Variants in PTPRN2 observed in about 807,000 individuals in gnomAD.
The protein encoded by PTPRN2 is protein tyrosine phosphatase receptor type N2, also known as receptor-type tyrosine-protein phosphatase N2.
PTPRN2 carries 74 observed loss-of-function variants against 118.8 expected under a neutral mutation model. The ratio of observed to expected loss-of-function variants is 0.62; its 90% CI spans 0.52 to 0.76. PTPRN2 has a LOEUF of 0.76. Ranked by LOEUF, PTPRN2 falls within the 30% of genes least tolerant of loss-of-function variation. The pLI is 0.00. For missense variants in PTPRN2, 1,481 were observed against 1,394.4 expected, an observed-to-expected ratio of 1.06 and a Z score of -0.99; for synonymous variants, 641 against 608.0, an observed-to-expected ratio of 1.05 and a Z score of -0.80.
chr7:158,011,924 A>C (rs1414216351), intron 11 of PTPRN2, among the ~76,000 whole-genome samples: 4 of 152,230 alleles, frequency 2.6e-5, no homozygotes, highest in Non-Finnish European at 5.9e-5. Flanking sequence ...TTTCTTGGTC[A>C]AATCATGGTT....
intron 11 of PTPRN2, among the ~76,000 whole-genome samples, chr7:158,013,591 CCATT>C (rs1806199521): frequency 1.3e-5 from 2 of 152,136 alleles, no homozygotes; most frequent in Admixed American, 6.5e-5. Flanking sequence ...GTTCATCTAT[CCATT>C]CATTCACCCA....
intron 14 of PTPRN2, among the ~76,000 whole-genome samples, chr7:157,628,067 T>C (rs1338515854): frequency 6.6e-6 from 1 of 152,194 alleles, no homozygotes; most frequent in Non-Finnish European, 1.5e-5. Flanking sequence ...GGTTGGAGCA[T>C]TAAGGACAGT....
chr7:157,714,276 T>C (rs892426009), intron 12 of PTPRN2, among the ~76,000 whole-genome samples: 7 of 152,260 alleles, frequency 4.6e-5, no homozygotes, highest in Admixed American at 2.6e-4. Context: ...TTCGTTTTAC[T>C]GTCAGTATAG....
intron 2 of PTPRN2, among the ~76,000 whole-genome samples, chr7:158,327,325 GCA>G (rs754715591): frequency 7.0e-5 from 10 of 142,380 alleles, no homozygotes; most frequent in Non-Finnish European, 1.1e-4. Flanking sequence ...ATTCTCACAT[GCA>G]CACACGTGCT....
At chr7:157,937,831 C>A (rs1490722353) in intron 11 of PTPRN2, among the ~76,000 whole-genome samples, 2 of 152,224 alleles carry the variant, frequency 1.3e-5, no homozygotes, top group Non-Finnish European at 2.9e-5. Flanking sequence ...CGTCACCCAT[C>A]CCCTTGTGCC....
intron 13 of PTPRN2, among the ~76,000 whole-genome samples, chr7:157,657,300 TACACAC>T (rs199709726): frequency 9.2e-5 from 3 of 32,450 alleles, no homozygotes; most frequent in African/African-American, 3.8e-4. Context: ...ATCACACATA[TACACAC>T]ACACACCACA....
intron 11 of PTPRN2, among the ~76,000 whole-genome samples, chr7:158,072,905 T>C (rs1221318486): frequency 6.6e-6 from 1 of 152,200 alleles, no homozygotes; most frequent in Non-Finnish European, 1.5e-5. Context: ...GGACAATTCA[T>C]GTCTCAAGAC....
chr7:158,247,183 C>G (rs1032935338), intron 3 of PTPRN2, among the ~76,000 whole-genome samples: 3 of 152,180 alleles, frequency 2.0e-5, no homozygotes, highest in Admixed American at 6.5e-5. Flanking sequence ...GAGCGTGGCC[C>G]GTGGGTGGCA....
intron 3 of PTPRN2, among the ~76,000 whole-genome samples, chr7:158,307,246 C>G (rs940853412): frequency 2.0e-5 from 3 of 152,024 alleles, no homozygotes; most frequent in African/African-American, 7.2e-5. Flanking sequence ...AAAATAGTGT[C>G]TCATCAAATA....
At chr7:157,644,717 C>T (rs1177727430) in intron 14 of PTPRN2, among the ~76,000 whole-genome samples, 1 of 152,090 alleles carries the variant, frequency 6.6e-6, no homozygotes, top group Admixed American at 6.5e-5. Flanking sequence ...ATCACTTGAA[C>T]CCGAGAGGCA....
chr7:158,581,484 T>C (rs946120171), intron 1 of PTPRN2, among the ~76,000 whole-genome samples: 14 of 152,312 alleles, frequency 9.2e-5, no homozygotes, highest in South Asian at 2.1e-4. Flanking sequence ...CCTGAATCTA[T>C]ATGTAACACA....
At chr7:157,756,824 C>A (rs114763503) in intron 12 of PTPRN2, among the ~76,000 whole-genome samples, 1 of 150,562 alleles carries the variant, frequency 6.6e-6, no homozygotes. Flanking sequence ...TCCTGATAGA[C>A]GAGAAACTGC....
intron 12 of PTPRN2, among the ~76,000 whole-genome samples, chr7:157,810,790 G>T (rs1234923435): frequency 2.0e-5 from 3 of 150,282 alleles, no homozygotes; most frequent in Admixed American, 6.6e-5. Flanking sequence ...CACAAGGACG[G>T]CAGGACTGCT....
At chr7:158,270,797 A>G (rs141960589) in intron 3 of PTPRN2, among the ~76,000 whole-genome samples, 4,414 of 36,192 alleles carry the variant, frequency 0.12, 444 homozygotes, top group Middle Eastern at 0.19. Flanking sequence ...CTCCACCTGG[A>G]CCACCCCCTC....
intron 17 of PTPRN2, among the ~76,000 whole-genome samples, chr7:157,588,996 A>C (rs1459602361): frequency 6.6e-6 from 1 of 152,162 alleles, no homozygotes; most frequent in African/African-American, 2.4e-5. Context: ...TTGTAAGTGC[A>C]CAGTGCAGCG....
rs1219053746 is a variant in PTPRN2, at chr7:157,749,197, C to G, written c.1789-66260G>C. Among the ~76,000 whole-genome samples, 2 of 45,570 alleles carry G rather than the reference C, an allele frequency of 4.4e-5. 1 individual carries two copies. 29.9% of individuals were successfully genotyped at this position (45,570 alleles called of 152,430 possible). ...CTGTGTCCCTGAGCTCTGGGCTGTC[C>G]GGGTGATTCTGAGGCCTGCGTCCCT... On this transcript the variant is annotated intron_variant, in intron 12 of 22. Transcript: ENST00000389418.
chr7:158,215,214 T>TA (rs1414324635), intron 3 of PTPRN2, among the ~76,000 whole-genome samples: 1 of 151,996 alleles, frequency 6.6e-6, no homozygotes, highest in Non-Finnish European at 1.5e-5. Flanking sequence ...AAAGATACAA[T>TA]AACCAAAATA....
chr7:157,907,446 G>A (rs1451253131), intron 11 of PTPRN2, among the ~76,000 whole-genome samples: 13 of 149,532 alleles, frequency 8.7e-5, no homozygotes, highest in Non-Finnish European at 1.3e-4. Context: ...TGTCCTCTGC[G>A]TGTGGGGTGT....
chr7:158,539,970 G>T, intron 1 of PTPRN2: 1 of 243,632 alleles, frequency 4.1e-6, no homozygotes, highest in South Asian at 4.0e-5. Flanking sequence ...CTGTGAACCT[G>T]GAGCTGATGA....
Sources: gnomAD v4.1 joint callset for allele counts (sites outside exome capture counted in the v4.1 genomes callset) on GRCh38, gnomAD v4.1.1 for gene constraint, MANE v1.5 for transcripts, NCBI Gene and HGNC (gene_info 2026-07-23, HGNC 2026-07-21) for gene names.